ZMYND11: variants seen among roughly 807,000 people sequenced by gnomAD.
ZMYND11 encodes the protein zinc finger MYND-type containing 11.
In ZMYND11, 9 loss-of-function variants were observed where a neutral mutation model predicts 84.9. The observed-to-expected ratio is 0.11, with a 90% CI of 0.06 to 0.18. ZMYND11 has a LOEUF of 0.18. ZMYND11 is among the 10% of genes least tolerant of loss of function. The probability of loss-of-function intolerance (pLI) is 1.00; values close to 1 mark genes in which losing one functional copy is unlikely to be tolerated. For missense variants in ZMYND11, 409 were observed against 761.0 expected (o/e 0.54, Z 5.44); for synonymous variants, 250 against 244.1 (o/e 1.02, Z -0.23).
intron 4 of ZMYND11, among the ~76,000 whole-genome samples, chr10:235,510 G>A (rs185218369): frequency 2.0e-5 from 3 of 152,084 alleles, no homozygotes; most frequent in East Asian, 1.9e-4. Flanking sequence ...TTGGCCATGC[G>A]TCAGTCACCT....
In ZMYND11 at chr10:253,621, T is replaced by G. The variant is rs1340663398; in HGVS notation, c.*1151T>G. 2 of 152,676 alleles carry G rather than the reference T, an allele frequency of 1.3e-5. No homozygotes were observed. Among genetic ancestry groups the G allele is most frequent in the Non-Finnish European group, 2.9e-5 (2 of 68,044 alleles). 9.5% of individuals were successfully genotyped at this position (152,676 alleles called of 1,614,324 possible). A position where few individuals can be genotyped will look rare whatever the true frequency, so the allele number is the denominator to read the frequency against. On this transcript the variant is annotated 3_prime_UTR_variant, in exon 15 of 15. Coordinates refer to ENST00000381604, the MANE Select transcript of ZMYND11 (RefSeq NM_001370100.5). ...TGAATAATGATTTTTTATACATAGA[T>G]ATATAAAATACAGCCAGGAAAACTT...
chr10:242,637 AT>A (rs1046960045), intron 10 of ZMYND11, among the ~76,000 whole-genome samples: 18 of 152,352 alleles, frequency 1.2e-4, no homozygotes, highest in African/African-American at 4.3e-4. Context: ...TAACACAGAT[AT>A]TGAGATAAGG....
intron 3 of ZMYND11, 22 bp downstream of exon 3, chr10:210,070 A>C: frequency 6.2e-7 from 1 of 1,611,064 alleles, no homozygotes; most frequent in Non-Finnish European, 8.5e-7. Flanking sequence ...TTATTTGATA[A>C]ACATAGAGAT....
intron 2 of ZMYND11, among the ~76,000 whole-genome samples, chr10:187,735 A>G (rs1196116078): frequency 1.3e-5 from 2 of 152,146 alleles, no homozygotes; most frequent in African/African-American, 4.8e-5. Flanking sequence ...CAAAATATGT[A>G]TATGTGGTTA....
chr10:254,019 C>T lies in ZMYND11; in HGVS notation c.*1549C>T, dbSNP rs572790948. 2 of 152,508 alleles carry T rather than the reference C, an allele frequency of 1.3e-5. No homozygotes were observed. Among genetic ancestry groups the T allele is most frequent in the Admixed American group, 1.3e-4 (2 of 15,302 alleles). The allele number at this position is 152,508 out of a possible 1,614,324, so 9.4% of individuals were successfully genotyped here. A position where few individuals can be genotyped will look rare whatever the true frequency, so the allele number is the denominator to read the frequency against. On this transcript the variant is annotated 3_prime_UTR_variant, in exon 15 of 15. Transcript: ENST00000381604. ...TTTTGTAAAAAGTACCCAGTAGCCC[C>T]ATTTCATACAATGTACCTAAATTAT...
chr10:136,997 A>G (rs1836254745), intron 1 of ZMYND11, among the ~76,000 whole-genome samples: 1 of 152,086 alleles, frequency 6.6e-6, no homozygotes, highest in South Asian at 2.1e-4. Flanking sequence ...TTGTATATAT[A>G]TCTGGTGGCA....
chr10:243,148 C>G (rs1446150276), intron 10 of ZMYND11, among the ~76,000 whole-genome samples: 1 of 152,110 alleles, frequency 6.6e-6, no homozygotes, highest in East Asian at 1.9e-4. Context: ...CTACCCTAAT[C>G]TTGATACATT....
At chr10:133,055 T>C (rs902760974), upstream of ZMYND11, among the ~76,000 whole-genome samples, 4 of 152,182 alleles carry the variant, frequency 2.6e-5, no homozygotes, top group African/African-American at 9.7e-5. Context: ...ACACACACAT[T>C]CATTCAGCTG....
chr10:187,962 A>G (rs1021514187), intron 2 of ZMYND11, among the ~76,000 whole-genome samples: 2 of 152,196 alleles, frequency 1.3e-5, no homozygotes, highest in Admixed American at 1.3e-4. Context: ...CAAATTAGTC[A>G]TTTTATCATG....
At chr10:249,701 T>C (rs1462315554) in intron 14 of ZMYND11, 1 of 985,284 alleles carries the variant, frequency 1.0e-6, no homozygotes, top group Non-Finnish European at 1.2e-6. Flanking sequence ...GCCGCCACAG[T>C]GCTCAGTGAA....
At chr10:169,770 A>G (rs1554765122) in intron 1 of ZMYND11, among the ~76,000 whole-genome samples, 1 of 152,106 alleles carries the variant, frequency 6.6e-6, no homozygotes, top group African/African-American at 2.4e-5. Flanking sequence ...TGGGGAAAAA[A>G]CCAATCGACA....
intron 4 of ZMYND11, among the ~76,000 whole-genome samples, chr10:227,481 G>A (rs1466732498): frequency 6.6e-6 from 1 of 152,154 alleles, no homozygotes; most frequent in African/African-American, 2.4e-5. Flanking sequence ...TGTCAGTGTT[G>A]ACTTAGGTCT....
At chr10:240,158 A>G in intron 8 of ZMYND11, 47 bp downstream of exon 8, 3 of 1,438,024 alleles carry the variant, frequency 2.1e-6, no homozygotes, top group Non-Finnish European at 2.9e-6. Flanking sequence ...AACTGAAATT[A>G]ATTTATTTCA....
At chr10:148,143 A>G (rs1440249546) in intron 1 of ZMYND11, 1 of 152,394 alleles carries the variant, frequency 6.6e-6, no homozygotes, top group East Asian at 1.9e-4. Context: ...TGGGGGTAAT[A>G]TTTCCATGTA....
intron 2 of ZMYND11, among the ~76,000 whole-genome samples, chr10:189,193 C>T (rs1207852787): frequency 6.6e-6 from 1 of 152,178 alleles, no homozygotes; most frequent in Non-Finnish European, 1.5e-5. Context: ...TTCTTCCTGT[C>T]GCTACAGATA....
At chr10:240,163 A>C in intron 8 of ZMYND11, 52 bp downstream of exon 8, 1 of 1,413,040 alleles carries the variant, frequency 7.1e-7, no homozygotes, top group Non-Finnish European at 9.7e-7. Context: ...AAATTAATTT[A>C]TTTCAGGATT....
chr10:201,904 TAGAAG>T (rs1943248694), intron 2 of ZMYND11, among the ~76,000 whole-genome samples: 7 of 152,226 alleles, frequency 4.6e-5, no homozygotes, highest in African/African-American at 1.7e-4. Flanking sequence ...AATAGCAGAC[TAGAAG>T]GCCACTTATC....
At chr10:232,871 CTT>C (rs1949242579) in intron 4 of ZMYND11, among the ~76,000 whole-genome samples, 1 of 152,182 alleles carries the variant, frequency 6.6e-6, no homozygotes, top group South Asian at 2.1e-4. Context: ...AAGTATTCCT[CTT>C]TGTGCAGTAA....
chr10:218,255 T>C (rs762530702), intron 3 of ZMYND11, among the ~76,000 whole-genome samples: 3 of 152,226 alleles, frequency 2.0e-5, no homozygotes, highest in Non-Finnish European at 2.9e-5. Context: ...ATGACTCTTA[T>C]GTTTGCATGC....
Sources: allele counts gnomAD v4.1 joint callset (sites outside exome capture counted in the v4.1 genomes callset), GRCh38; gene constraint gnomAD v4.1.1; transcripts MANE v1.5; gene names NCBI Gene and HGNC (gene_info 2026-07-23, HGNC 2026-07-21).